The following CBLB variants were observed in gnomAD, a reference collection of about 807,000 sequenced individuals.
CBLB encodes the protein E3 ubiquitin-protein ligase CBL-B.
In CBLB, 31 loss-of-function variants were observed where a neutral mutation model predicts 104.9. That is an observed-to-expected ratio of 0.30 (90% CI 0.22 to 0.40). The LOEUF (loss-of-function observed/expected upper bound fraction) is 0.40. Ranked by LOEUF, CBLB falls within the 10% of genes least tolerant of loss-of-function variation. CBLB has a pLI of 1.00. For missense variants in CBLB, 1,062 were observed against 1,214.6 expected, an observed-to-expected ratio of 0.87 and a Z score of 1.87; for synonymous variants, 440 against 422.6, an observed-to-expected ratio of 1.04 and a Z score of -0.51.
chr3:105,834,516 C>T (rs1165746934), intron 3 of CBLB, among the ~76,000 whole-genome samples: 4 of 151,946 alleles, frequency 2.6e-5, no homozygotes, highest in South Asian at 2.1e-4. Context: ...ATTAGCCGGG[C>T]GTGGTGGCAG....
intron 3 of CBLB, among the ~76,000 whole-genome samples, chr3:105,843,027 G>C (rs1282171956): frequency 6.6e-6 from 1 of 152,148 alleles, no homozygotes; most frequent in African/African-American, 2.4e-5. Context: ...GCTCATTTTT[G>C]TAAATAAATT....
intron 4 of CBLB, among the ~76,000 whole-genome samples, chr3:105,760,684 T>C (rs2077533521): frequency 6.6e-6 from 1 of 151,888 alleles, no homozygotes; most frequent in Non-Finnish European, 1.5e-5. Flanking sequence ...CCAATTAAAT[T>C]AACAACCAAT....
At chr3:105,782,953 C>T (rs2080472941) in intron 3 of CBLB, among the ~76,000 whole-genome samples, 1 of 152,192 alleles carries the variant, frequency 6.6e-6, no homozygotes, top group Non-Finnish European at 1.5e-5. Flanking sequence ...ATGCTCTTCA[C>T]AGGACAAATA....
At chr3:105,809,571 G>C (rs1243518540) in intron 3 of CBLB, among the ~76,000 whole-genome samples, 1 of 152,152 alleles carries the variant, frequency 6.6e-6, no homozygotes, top group East Asian at 1.9e-4. Context: ...TCTTGGATTT[G>C]TTTTTAATCC....
chr3:105,701,193 C>T (rs2069047014), intron 12 of CBLB, among the ~76,000 whole-genome samples: 1 of 152,186 alleles, frequency 6.6e-6, no homozygotes, highest in African/African-American at 2.4e-5. Flanking sequence ...CACATAAACT[C>T]CTTCCTGGAC....
At chr3:105,813,453 T>G (rs1216955387) in intron 3 of CBLB, among the ~76,000 whole-genome samples, 3 of 152,142 alleles carry the variant, frequency 2.0e-5, no homozygotes, top group Non-Finnish European at 2.9e-5. Flanking sequence ...AATGGTATTT[T>G]GAGTAAAGTT....
intron 3 of CBLB, among the ~76,000 whole-genome samples, chr3:105,784,327 T>C (rs1467710746): frequency 6.6e-6 from 1 of 152,218 alleles, no homozygotes; most frequent in South Asian, 2.1e-4. Context: ...TCATGATTGC[T>C]ATGAGATTCA....
intron 6 of CBLB, among the ~76,000 whole-genome samples, chr3:105,743,103 A>G (rs2075769989): frequency 6.6e-6 from 1 of 151,950 alleles, no homozygotes; most frequent in African/African-American, 2.4e-5. Context: ...CCCCTTCCCA[A>G]CCTCAAGTGA....
Position 105,696,079 on chromosome 3 carries a change from T to A in CBLB, c.1960-2491A>T, listed in dbSNP as rs554521943. Among the ~76,000 whole-genome samples, 372 of 151,630 alleles carry A rather than the reference T, an allele frequency of 2.5e-3. 3 individuals are homozygous for A. The highest frequency in any genetic ancestry group is 8.5e-3 in the African/African-American group (351 of 41,472). On this transcript the variant is annotated intron_variant, in intron 12 of 18. Coordinates refer to ENST00000394030, the MANE Select transcript of CBLB (RefSeq NM_170662.5). Reference sequence around the variant, plus strand: ...ATACATATATATACATACATACATATATACACATACACACACACACACATA... The same window carrying A: ...ATACATATATATACATACATACATAAATACACATACACACACACACACATA...
intron 3 of CBLB, among the ~76,000 whole-genome samples, chr3:105,839,139 G>A (rs1220501832): frequency 6.6e-6 from 1 of 152,150 alleles, no homozygotes; most frequent in African/African-American, 2.4e-5. Flanking sequence ...ACCAATATAT[G>A]TGCAGATCCC....
At chr3:105,806,328 C>G (rs375819573) in intron 3 of CBLB, among the ~76,000 whole-genome samples, 2 of 151,866 alleles carry the variant, frequency 1.3e-5, no homozygotes, top group East Asian at 3.9e-4. Flanking sequence ...CAAACTTAAC[C>G]GTATTTACCA....
intron 4 of CBLB, among the ~76,000 whole-genome samples, chr3:105,769,347 T>A (rs1381537256): frequency 1.3e-5 from 2 of 152,024 alleles, no homozygotes; most frequent in Non-Finnish European, 2.9e-5. Context: ...TGCCTAAACA[T>A]TCCAGGAAAC....
At chr3:105,763,738 T>TA (rs928607561) in intron 4 of CBLB, among the ~76,000 whole-genome samples, 1 of 152,220 alleles carries the variant, frequency 6.6e-6, no homozygotes, top group Non-Finnish European at 1.5e-5. Context: ...AACATGATCC[T>TA]AAAAAACCAA....
intron 3 of CBLB, among the ~76,000 whole-genome samples, chr3:105,830,002 T>G (rs1577604351): frequency 6.6e-6 from 1 of 152,294 alleles, no homozygotes; most frequent in Admixed American, 6.5e-5. Context: ...TTTATTTGCT[T>G]CCCTTTTCAC....
chr3:105,703,361 A>C (rs2069552099), intron 11 of CBLB, among the ~76,000 whole-genome samples: 1 of 152,232 alleles, frequency 6.6e-6, no homozygotes, highest in African/African-American at 2.4e-5. Context: ...CATGTTACCA[A>C]ATAAAATTAA....
intron 3 of CBLB, 116 bp downstream of exon 3, chr3:105,853,298 T>C (rs921478856): frequency 8.8e-6 from 9 of 1,028,144 alleles, no homozygotes; most frequent in African/African-American, 4.7e-5. Context: ...CATGACTATA[T>C]ACAAAGCGAC....
upstream of CBLB, chr3:105,869,191 A>C (rs1451684440): frequency 4.8e-6 from 3 of 624,124 alleles, no homozygotes; most frequent in Non-Finnish European, 8.2e-6. Context: ...TCCACAGTAC[A>C]CAATGGCCCC....
chr3:105,807,617 A>G (rs556046535), intron 3 of CBLB, among the ~76,000 whole-genome samples: 2 of 152,094 alleles, frequency 1.3e-5, no homozygotes, highest in Non-Finnish European at 2.9e-5. Flanking sequence ...ACATTTTATA[A>G]TTATATATGT....
At chr3:105,865,788 A>C (rs2092393306) in intron 2 of CBLB, among the ~76,000 whole-genome samples, 1 of 152,164 alleles carries the variant, frequency 6.6e-6, no homozygotes, top group Non-Finnish European at 1.5e-5. Context: ...TGGGGGAAAA[A>C]GAACAGCCCC....
Sources: allele counts gnomAD v4.1 joint callset (sites outside exome capture counted in the v4.1 genomes callset), GRCh38; gene constraint gnomAD v4.1.1; transcripts MANE v1.5; gene names NCBI Gene and HGNC (gene_info 2026-07-23, HGNC 2026-07-21).